Variants in RUNX3 observed in about 807,000 individuals in gnomAD.
RUNX3 encodes runt-related transcription factor 3.
RUNX3 carries 10 observed loss-of-function variants against 27.7 expected under a neutral mutation model. The observed-to-expected ratio is 0.36, with a 90% confidence interval of 0.22 to 0.61. The LOEUF is 0.61. RUNX3 is among the 20% of genes least tolerant of loss of function. RUNX3 has a pLI of 0.72. For synonymous variants in RUNX3, 270 were observed against 269.2 expected (o/e 1.00, Z -0.03); for missense variants, 469 against 629.5 (o/e 0.75, Z 2.73).
At chr1:24,910,914 C>T (rs190267556) in intron 3 of RUNX3, among the ~76,000 whole-genome samples, 1 of 152,144 alleles carries the variant, frequency 6.6e-6, no homozygotes, top group Admixed American at 6.5e-5. Flanking sequence ...GGGCAAGTCA[C>T]GTGAACGAGG....
intron 3 of RUNX3, among the ~76,000 whole-genome samples, chr1:24,918,620 C>T (rs1640935122): frequency 6.6e-6 from 1 of 152,126 alleles, no homozygotes; most frequent in Non-Finnish European, 1.5e-5. Context: ...TTCATTCATT[C>T]TGTGGACACA....
At position 24,901,282 on chromosome 1, in the gene RUNX3, T is replaced by G. The variant is rs1181669057; in HGVS notation, c.*840A>C. 1 of 152,536 alleles carries G rather than the reference T, an allele frequency of 6.6e-6. No homozygotes were observed. Among genetic ancestry groups the G allele is most frequent in the Non-Finnish European group, 1.5e-5 (1 of 68,028 alleles). 9.4% of individuals were successfully genotyped at this position (152,536 alleles called of 1,614,324 possible). A position where few individuals can be genotyped will look rare whatever the true frequency, so the allele number is the denominator to read the frequency against. ...CCTGTTCTCTCCACAAATGGAATTA[T>G]GAGACCACCTAGGGGAAAGGGGACC... On this transcript the variant is annotated 3_prime_UTR_variant, in exon 5 of 5. Transcript: ENST00000308873.
intron 2 of RUNX3, among the ~76,000 whole-genome samples, chr1:24,951,526 C>T (rs1250487986): frequency 6.6e-6 from 1 of 152,222 alleles, no homozygotes; most frequent in Admixed American, 6.5e-5. Context: ...CAATGACTCA[C>T]CCAGTAAGAA....
At chr1:24,938,812 GCCTTGGAAACAGGGA>G (rs1195615045) in intron 2 of RUNX3, among the ~76,000 whole-genome samples, 1 of 152,118 alleles carries the variant, frequency 6.6e-6, no homozygotes, top group Non-Finnish European at 1.5e-5. Context: ...AGAAGACACT[GCCTTGGAAACAGGGA>G]GTCCAGGACC....
rs187546792 is a variant in RUNX3 at position 24,923,795 on chromosome 1, C to A, written c.439+3779G>T. Among the ~76,000 whole-genome samples the A allele has an allele frequency of 6.6e-6, 1 of 152,208 alleles. No individual in the cohort carries two copies. The highest frequency in any genetic ancestry group is 1.9e-4 in the East Asian group (1 of 5,194). Reference sequence around the variant, plus strand: ...AACCAGCGGTTCCCCTCAGCCTGCACCGGCACACTGCACCCCGAATCTCTG... The same window carrying A: ...AACCAGCGGTTCCCCTCAGCCTGCAACGGCACACTGCACCCCGAATCTCTG... On this transcript the variant is annotated intron_variant, in intron 2 of 4. Transcript: ENST00000308873. This position sits in a 1 kb window ranked among gnomAD's most constrained non-coding sequence, Gnocchi z 5.9.
intron 2 of RUNX3, among the ~76,000 whole-genome samples, chr1:24,948,247 A>G (rs1274384705): frequency 1.3e-5 from 2 of 152,174 alleles, no homozygotes; most frequent in Non-Finnish European, 2.9e-5. Context: ...CCTCCCTCAG[A>G]CCACGCCACC....
At position 24,927,463 on chromosome 1, in the gene RUNX3, G is replaced by C; in HGVS notation, c.439+111C>G. On this transcript the variant is annotated intron_variant, in intron 2 of 4. Transcript: ENST00000308873. This position sits in a 1 kb window ranked among gnomAD's most constrained non-coding sequence, Gnocchi z 5.0. ...TTACAAATTGCTGTTTTTAGACAGA[G>C]CTGCATCTGGAGACCTGTTTTTCGG... 9.9e-7 allele frequency: 1 copy of C among 1,006,192 alleles called. No homozygotes were observed. The highest frequency in any genetic ancestry group is 1.5e-6 in the Non-Finnish European group (1 of 648,964). The allele number at this position is 1,006,192 out of a possible 1,614,324, so 62.3% of individuals were successfully genotyped here. A position where few individuals can be genotyped will look rare whatever the true frequency, so the allele number is the denominator to read the frequency against.
In RUNX3 at chr1:24,925,649, ACCTCGAG is replaced by A. The variant is rs550338137; in HGVS notation, c.439+1918_439+1924del. On this transcript the variant is annotated intron_variant, in intron 2 of 4. Transcript: ENST00000308873. ...GATACTAGAATGCAGGCTCTCAAAG[ACCTCGAG>A]CCTCTGAAGGCTGAACGCCTTAGCC... Among the ~76,000 whole-genome samples the A allele has an allele frequency of 1.8e-3, 267 of 152,142 alleles. 2 individuals are homozygous for A. The highest frequency in any genetic ancestry group is 6.3e-3 in the African/African-American group (262 of 41,504).
intron 2 of RUNX3, among the ~76,000 whole-genome samples, chr1:24,958,136 T>G (rs1446816102): frequency 6.6e-6 from 1 of 152,202 alleles, no homozygotes; most frequent in East Asian, 1.9e-4. Flanking sequence ...GCCAGGCCAG[T>G]GCTCCCTGTG....
Position 24,929,596 on chromosome 1 carries a change from G to A in RUNX3, c.273C>T (p.Val91=), listed in dbSNP as rs753791280. The A allele has an allele frequency of 4.4e-6, 7 of 1,606,748 alleles. No homozygotes were observed. The highest frequency in any genetic ancestry group is 5.9e-6 in the Non-Finnish European group (7 of 1,178,726). The part of the protein sequence containing the change: ...SHWRCNKTLP[V]AFKVVALGDV... ...CGGGTCCCGCACTCACCTTGAAGGC[G>A]ACGGGCAGCGTCTTGTTGCAGCGCC... is the stretch of plus-strand genomic sequence containing the variant. Residue 91 remains valine, a synonymous_variant, in exon 1 of 5, where the codon GTC becomes GTT. Transcript: ENST00000308873.
rs1446899013 is a variant in RUNX3 at position 24,919,364 on chromosome 1, G to C, written c.440-20C>G. 1.3e-6 allele frequency: 2 copies of C among 1,568,900 alleles called. No individual in the cohort carries two copies. The highest frequency in any genetic ancestry group is 2.3e-5 in the East Asian group (1 of 43,952). ...TCTTCCCTGGGGAGAGTGGGGAATA[G>C]AGGCAGGTGGTTGGCACCTGGAGCT... On this transcript the variant is annotated intron_variant, in intron 2 of 4. Transcript: ENST00000308873.
At chr1:24,915,710 G>A (rs570063582) in intron 3 of RUNX3, among the ~76,000 whole-genome samples, 3 of 152,074 alleles carry the variant, frequency 2.0e-5, no homozygotes, top group Non-Finnish European at 4.4e-5. Flanking sequence ...CCCGAGGCAG[G>A]AGTGTCCCTG....
chr1:24,964,630 C>G lies in RUNX3; in HGVS notation c.-59G>C, dbSNP rs1387475776. 3 of 1,567,618 alleles carry G rather than the reference C, an allele frequency of 1.9e-6. No homozygotes were observed. In the South Asian group the frequency reaches 3.5e-5, roughly 18 times the overall value. On this transcript the variant is annotated 5_prime_UTR_variant, in exon 2 of 7. Transcript: ENST00000338888. ...CTTCAGGGGGTTGGGTTGGGATTCA[C>G]TTGGTTGGCTGTTGTTTTATTTTTT... is the stretch of plus-strand genomic sequence containing the variant.
Position 24,943,597 on chromosome 1 carries a change from G to A in RUNX3, c.59-13745C>T, listed in dbSNP as rs1314532714. Among the ~76,000 whole-genome samples the A allele has an allele frequency of 6.6e-6, 1 of 152,236 alleles. No homozygotes were observed. Among genetic ancestry groups the A allele is most frequent in the Non-Finnish European group, 1.5e-5 (1 of 68,040 alleles). On this transcript the variant is annotated intron_variant, in intron 2 of 6. Coordinates refer to the RUNX3 transcript ENST00000338888. This position sits in a 1 kb window ranked among gnomAD's most constrained non-coding sequence, Gnocchi z 4.6. ...ATAAGAGCCCTGGAACAGTTGGCCA[G>A]TGCGGAGAGGACCCCCGAAGATCTC... is the stretch of plus-strand genomic sequence containing the variant.
chr1:24,959,675 C>T (rs1288506004), intron 2 of RUNX3, among the ~76,000 whole-genome samples: 1 of 152,158 alleles, frequency 6.6e-6, no homozygotes, highest in Non-Finnish European at 1.5e-5. Flanking sequence ...ACTGACCTCT[C>T]TGGTCTGGGC....
At chr1:24,922,075 T>C (rs1197637086) in intron 2 of RUNX3, among the ~76,000 whole-genome samples, 2 of 152,094 alleles carry the variant, frequency 1.3e-5, no homozygotes, top group Non-Finnish European at 2.9e-5. Context: ...CTCAGCCTCC[T>C]GAGTAGCTGG....
intron 2 of RUNX3, among the ~76,000 whole-genome samples, chr1:24,942,825 C>G (rs1024311666): frequency 6.6e-6 from 1 of 152,204 alleles, no homozygotes; most frequent in Non-Finnish European, 1.5e-5. Flanking sequence ...AATGCCAGGA[C>G]CTGACCCGGG....
chr1:24,928,791 G>A (rs1304113914), intron 1 of RUNX3: 5 of 299,420 alleles, frequency 1.7e-5, no homozygotes, highest in Non-Finnish European at 3.3e-5. Context: ...CGTCTTAATG[G>A]GAGCAGGGAC....
In RUNX3 at chr1:24,901,020, T is replaced by C. The variant is rs946765333; in HGVS notation, c.*1102A>G. ...AATCAGTTTTAAAAACTGTTTTGTT[T>C]TTTTTTTGTTTTTTTGTTTTTTTTT... On this transcript the variant is annotated 3_prime_UTR_variant, in exon 5 of 5. Transcript: ENST00000308873. 17 of 148,258 alleles carry C rather than the reference T, an allele frequency of 1.1e-4. No homozygotes were observed. Among genetic ancestry groups the C allele is most frequent in the African/African-American group, 3.9e-4 (15 of 38,106 alleles). 9.2% of individuals were successfully genotyped at this position (148,258 alleles called of 1,614,324 possible). A position where few individuals can be genotyped will look rare whatever the true frequency, so the allele number is the denominator to read the frequency against.
Sources: allele counts gnomAD v4.1 joint callset (sites outside exome capture counted in the v4.1 genomes callset), GRCh38; gene constraint gnomAD v4.1.1; non-coding constraint Gnocchi (gnomAD v3.1); transcripts MANE v1.5; gene names NCBI Gene and HGNC (gene_info 2026-07-23, HGNC 2026-07-21).